Variants in GNAO1 observed in about 807,000 individuals in gnomAD.
GNAO1 encodes G protein subunit alpha o1, also known as guanine nucleotide-binding protein G(o) subunit alpha.
For synonymous variants in GNAO1, 164 were observed against 180.7 expected, an observed-to-expected ratio of 0.91 and a Z score of 0.74; for missense variants, 166 against 478.7, an observed-to-expected ratio of 0.35 and a Z score of 6.10.
intron 3 of GNAO1, among the ~76,000 whole-genome samples, chr16:56,279,259 C>T (rs1034071595): frequency 8.5e-5 from 13 of 152,218 alleles, no homozygotes; most frequent in African/African-American, 2.7e-4. Flanking sequence ...ACCACCTGTC[C>T]TGTCTGTTTC....
At chr16:56,250,492 A>C (rs985518868) in intron 2 of GNAO1, among the ~76,000 whole-genome samples, 1 of 152,170 alleles carries the variant, frequency 6.6e-6, no homozygotes. Flanking sequence ...CTTGGGTAGA[A>C]AAAAGAGCAT....
intron 2 of GNAO1, among the ~76,000 whole-genome samples, chr16:56,263,402 G>T (rs2036922341): frequency 6.6e-6 from 1 of 152,164 alleles, no homozygotes; most frequent in African/African-American, 2.4e-5. Flanking sequence ...TGTGAACTCA[G>T]TCCTCATGGA....
chr16:56,200,684 C>G (rs1217168797), intron 2 of GNAO1, among the ~76,000 whole-genome samples: 2 of 152,218 alleles, frequency 1.3e-5, no homozygotes, highest in South Asian at 2.1e-4. Context: ...ACCTGGCAGT[C>G]TACGACCTCA....
intron 3 of GNAO1, among the ~76,000 whole-genome samples, chr16:56,298,901 T>G (rs2037313912): frequency 2.8e-5 from 4 of 140,400 alleles, no homozygotes; most frequent in East Asian, 2.1e-4. Flanking sequence ...GGCGAGAGAG[T>G]GAGACTCTGT....
At chr16:56,222,817 G>A (rs1397019104) in intron 2 of GNAO1, among the ~76,000 whole-genome samples, 1 of 152,136 alleles carries the variant, frequency 6.6e-6, no homozygotes, top group Non-Finnish European at 1.5e-5. Flanking sequence ...CGGCTTTGCT[G>A]CTAGATGGTG....
chr16:56,228,285 T>C (rs1567446310), intron 2 of GNAO1, among the ~76,000 whole-genome samples: 1 of 151,866 alleles, frequency 6.6e-6, no homozygotes, highest in Admixed American at 6.6e-5. Flanking sequence ...ACCCAGAGAG[T>C]GGCAGGGTTC....
At chr16:56,328,499 G>C in intron 3 of GNAO1, 132 bp from the exon 4 acceptor site, 1 of 879,090 alleles carries the variant, frequency 1.1e-6, no homozygotes, top group Non-Finnish European at 1.8e-6. Flanking sequence ...GGAGCAGGCT[G>C]TGGGCTGAGC....
intron 6 of GNAO1, chr16:56,344,404 G>A (rs1257656871): frequency 3.9e-6 from 4 of 1,014,404 alleles, no homozygotes; most frequent in South Asian, 4.2e-5. Flanking sequence ...GGTCTCTGGT[G>A]GAGGGCAGTT....
chr16:56,335,797 TG>T (rs1183062700), intron 5 of GNAO1, among the ~76,000 whole-genome samples: 1 of 152,196 alleles, frequency 6.6e-6, no homozygotes, highest in Non-Finnish European at 1.5e-5. Context: ...ATAAGCATTC[TG>T]GAGGGGCCAC....
intron 6 of GNAO1, chr16:56,341,033 C>T (rs377726806): frequency 1.2e-4 from 179 of 1,545,284 alleles, no homozygotes; most frequent in Middle Eastern, 1.7e-4. Flanking sequence ...GAGCGGGCCC[C>T]GTTCCCAAAG....
intron 3 of GNAO1, among the ~76,000 whole-genome samples, chr16:56,279,228 A>G (rs1409654208): frequency 6.6e-6 from 1 of 152,096 alleles, no homozygotes; most frequent in Non-Finnish European, 1.5e-5. Context: ...GGTGTCCCTG[A>G]GTTCCCCCGG....
At chr16:56,322,879 C>T (rs2037589626) in intron 3 of GNAO1, among the ~76,000 whole-genome samples, 1 of 152,124 alleles carries the variant, frequency 6.6e-6, no homozygotes. Flanking sequence ...ATTAAAATGC[C>T]AAGGATCCAT....
intron 2 of GNAO1, among the ~76,000 whole-genome samples, chr16:56,203,144 C>T (rs1348676598): frequency 6.6e-6 from 1 of 152,138 alleles, no homozygotes; most frequent in African/African-American, 2.4e-5. Context: ...TGGGAGGGAA[C>T]TGGGTGGAGA....
At chr16:56,220,467 C>T (rs1203801637) in intron 2 of GNAO1, among the ~76,000 whole-genome samples, 2 of 152,106 alleles carry the variant, frequency 1.3e-5, no homozygotes, top group African/African-American at 4.8e-5. Context: ...GTTTGGGGTC[C>T]AAAACTGAGG....
chr16:56,225,756 A>G (rs1479230512), intron 2 of GNAO1, among the ~76,000 whole-genome samples: 3 of 152,146 alleles, frequency 2.0e-5, no homozygotes, highest in Admixed American at 2.0e-4. Context: ...TACCTCATTC[A>G]GGGAGCTGCC....
At chr16:56,221,972 G>C (rs1385284286) in intron 2 of GNAO1, among the ~76,000 whole-genome samples, 1 of 152,194 alleles carries the variant, frequency 6.6e-6, no homozygotes, top group Middle Eastern at 3.2e-3. Flanking sequence ...CTTCTATGCA[G>C]GGATGGCAAG....
In GNAO1 at chr16:56,248,195, A is replaced by T. The variant is rs148380719; in HGVS notation, c.162-27736A>T. 5.8e-4 allele frequency among the ~76,000 whole-genome samples: 89 copies of T among 152,366 alleles called. No individual in the cohort carries two copies. In the East Asian group the frequency reaches 0.013, roughly 21 times the overall value. On this transcript the variant is annotated intron_variant, in intron 2 of 8. Transcript: ENST00000262493. ...TTTTAATTGTGCTGTCTTAACATTT[A>T]GAGAAATTAATATGCAAAAACTTTC...
chr16:56,232,528 A>G (rs929165273), intron 2 of GNAO1, among the ~76,000 whole-genome samples: 17 of 152,220 alleles, frequency 1.1e-4, no homozygotes, highest in Non-Finnish European at 2.1e-4. Flanking sequence ...GAGAAGTTCT[A>G]TAATTAACAA....
chr16:56,315,184 C>A (rs1249844760), intron 3 of GNAO1, among the ~76,000 whole-genome samples: 1 of 152,212 alleles, frequency 6.6e-6, no homozygotes. Context: ...CATCTTCCAT[C>A]TTTTCTCTTC....
Sources: allele counts gnomAD v4.1 joint callset (sites outside exome capture counted in the v4.1 genomes callset), GRCh38; gene constraint gnomAD v4.1.1; transcripts MANE v1.5; gene names NCBI Gene and HGNC (gene_info 2026-07-23, HGNC 2026-07-21).